Variants in MIPOL1 observed in about 807,000 individuals in gnomAD.
MIPOL1 encodes the protein mirror-image polydactyly 1, also known as mirror-image polydactyly gene 1 protein.
In MIPOL1, 57 loss-of-function variants were observed where a neutral mutation model predicts 60.9. That is an observed-to-expected ratio of 0.94 (90% CI 0.76 to 1.17). The LOEUF is 1.17. Among genes scored for constraint, MIPOL1 ranks in the 50% most tolerant of loss-of-function variants. The pLI is 0.00. For synonymous variants in MIPOL1, 179 were observed against 168.8 expected, an observed-to-expected ratio of 1.06 and a Z score of -0.47; for missense variants, 551 against 511.6, an observed-to-expected ratio of 1.08 and a Z score of -0.74.
intron 10 of MIPOL1, among the ~76,000 whole-genome samples, chr14:37,408,602 C>A (rs1445594418): frequency 6.6e-6 from 1 of 151,940 alleles, no homozygotes; most frequent in Non-Finnish European, 1.5e-5. Flanking sequence ...ACACTGCAGC[C>A]TGGGTGTCAG....
chr14:37,234,920 C>T (rs1175047360), intron 1 of MIPOL1, among the ~76,000 whole-genome samples: 10 of 150,990 alleles, frequency 6.6e-5, no homozygotes, highest in Admixed American at 5.3e-4. Flanking sequence ...GGACTGCAGG[C>T]GCCCACCACC....
chr14:37,520,202 T>C (rs553371850), intron 12 of MIPOL1, among the ~76,000 whole-genome samples: 2 of 152,292 alleles, frequency 1.3e-5, no homozygotes, highest in African/African-American at 2.4e-5. Flanking sequence ...TGCATTGATA[T>C]ATTATCTCTA....
intron 9 of MIPOL1, among the ~76,000 whole-genome samples, chr14:37,336,148 G>T (rs1595206354): frequency 3.1e-5 from 4 of 129,522 alleles, no homozygotes; most frequent in Middle Eastern, 4.5e-3. Context: ...AGTTGTCTTT[G>T]AACTACTTGT....
intron 3 of MIPOL1, 96 bp downstream of exon 3, chr14:37,248,003 G>A: frequency 7.8e-7 from 1 of 1,284,908 alleles, no homozygotes; most frequent in Non-Finnish European, 1.1e-6. Context: ...ATATTAGACA[G>A]AGGTAGACAA....
In MIPOL1 at chr14:37,270,381, G is replaced by A. The variant is rs544328009; in HGVS notation, c.388-39G>A. The stretch of plus-strand genomic sequence containing the variant: ...TTAATTATATTTTTGCAAGACATTT[G>A]TCAAATAAGAATCCATGATTTTTTT... On this transcript the variant is annotated intron_variant, in intron 5 of 12. Coordinates refer to ENST00000684589, the MANE Select transcript of MIPOL1 (RefSeq NM_001388067.1). 5.5e-5 allele frequency: 60 copies of A among 1,097,536 alleles called. 1 individual carries two copies. Among genetic ancestry groups the A allele is most frequent in the Middle Eastern group, 2.7e-4 (1 of 3,664 alleles). 68.0% of individuals were successfully genotyped at this position (1,097,536 alleles called of 1,614,324 possible). A position where few individuals can be genotyped will look rare whatever the true frequency, so the allele number is the denominator to read the frequency against.
chr14:37,462,560 T>C (rs773172346), intron 11 of MIPOL1, among the ~76,000 whole-genome samples: 2 of 152,202 alleles, frequency 1.3e-5, no homozygotes, highest in Non-Finnish European at 2.9e-5. Context: ...AGGCTGCAAA[T>C]TTTCTAAACT....
intron 11 of MIPOL1, among the ~76,000 whole-genome samples, chr14:37,425,555 C>T (rs540290828): frequency 2.0e-5 from 3 of 152,122 alleles, no homozygotes; most frequent in East Asian, 1.9e-4. Context: ...CATGTGTGGT[C>T]GTGTATAAAT....
chr14:37,267,277 C>T (rs147843614), intron 4 of MIPOL1, 108 bp downstream of exon 4: 11,329 of 763,806 alleles, frequency 0.015, 136 homozygotes, highest in Middle Eastern at 0.042. Context: ...CACTTGAGGT[C>T]AGGAGTTCGA....
chr14:37,329,536 T>G (rs2089493169), intron 9 of MIPOL1, among the ~76,000 whole-genome samples: 1 of 152,150 alleles, frequency 6.6e-6, no homozygotes, highest in South Asian at 2.1e-4. Context: ...TTGCTTCTGT[T>G]AGGATTTAAC....
intron 11 of MIPOL1, among the ~76,000 whole-genome samples, chr14:37,425,356 A>G (rs1368010460): frequency 6.6e-6 from 1 of 152,214 alleles, no homozygotes; most frequent in Non-Finnish European, 1.5e-5. Context: ...TCATAAAGCT[A>G]AAATTCTTGT....
chr14:37,477,740 G>C (rs1042469038), intron 11 of MIPOL1, among the ~76,000 whole-genome samples: 17 of 152,264 alleles, frequency 1.1e-4, no homozygotes, highest in African/African-American at 4.1e-4. Context: ...CCATTCAGCT[G>C]CAATATATCT....
chr14:37,283,276 A>C (rs2084277796), intron 6 of MIPOL1, among the ~76,000 whole-genome samples: 1 of 152,100 alleles, frequency 6.6e-6, no homozygotes, highest in Non-Finnish European at 1.5e-5. Flanking sequence ...CATGTTGGCC[A>C]AGCTGGTCTC....
chr14:37,408,543 T>C (rs2093630511), intron 10 of MIPOL1, among the ~76,000 whole-genome samples: 1 of 152,122 alleles, frequency 6.6e-6, no homozygotes, highest in African/African-American at 2.4e-5. Context: ...GGTTGCAGGA[T>C]CGTTGAGCCC....
chr14:37,510,094 A>G (rs1249362745), intron 12 of MIPOL1, among the ~76,000 whole-genome samples: 1 of 152,034 alleles, frequency 6.6e-6, no homozygotes, highest in African/African-American at 2.4e-5. Flanking sequence ...GTGTAAATAC[A>G]TATATGAACC....
chr14:37,204,196 T>A (rs1426567656), intron 1 of MIPOL1, among the ~76,000 whole-genome samples: 1 of 152,130 alleles, frequency 6.6e-6, no homozygotes, highest in Non-Finnish European at 1.5e-5. Flanking sequence ...TCCAGCCTTT[T>A]GAGAGACCCT....
intron 6 of MIPOL1, among the ~76,000 whole-genome samples, chr14:37,274,285 A>G (rs2083489550): frequency 6.6e-6 from 1 of 151,398 alleles, no homozygotes; most frequent in South Asian, 2.1e-4. Context: ...TTTTCATAAC[A>G]CAAATCTGTT....
chr14:37,331,363 C>T (rs1196147049), intron 9 of MIPOL1, among the ~76,000 whole-genome samples: 1 of 151,956 alleles, frequency 6.6e-6, no homozygotes, highest in Non-Finnish European at 1.5e-5. Context: ...GATATTTTAA[C>T]AATATTGATT....
In MIPOL1 at chr14:37,310,027, C is replaced by T. The variant is rs184360404; in HGVS notation, c.828+1508C>T. On this transcript the variant is annotated intron_variant, in intron 9 of 12. Coordinates refer to ENST00000684589, the MANE Select transcript of MIPOL1 (RefSeq NM_001388067.1). ...ATCAATCTTACTAACTCTTTTCTGT[C>T]TCTCAAACCCCTTATGTCCTTACTC... Among the ~76,000 whole-genome samples the T allele has an allele frequency of 1.9e-3, 294 of 152,052 alleles. 2 individuals are homozygous for T. Among genetic ancestry groups the T allele is most frequent in the African/African-American group, 6.5e-3 (271 of 41,494 alleles).
chr14:37,220,754 A>C (rs1968600392), intron 1 of MIPOL1, among the ~76,000 whole-genome samples: 1 of 152,186 alleles, frequency 6.6e-6, no homozygotes, highest in Non-Finnish European at 1.5e-5. Flanking sequence ...ATTTTAAATT[A>C]AAATCTACCT....
Sources: gnomAD v4.1 joint callset for allele counts (sites outside exome capture counted in the v4.1 genomes callset) on GRCh38, gnomAD v4.1.1 for gene constraint, MANE v1.5 for transcripts, NCBI Gene and HGNC (gene_info 2026-07-23, HGNC 2026-07-21) for gene names.